Variants in EYS observed in about 807,000 individuals in gnomAD.
The protein encoded by EYS is protein eyes shut homolog.
EYS carries 250 observed loss-of-function variants against 282.1 expected under a neutral mutation model. The observed-to-expected ratio is 0.89, with a 90% CI of 0.80 to 0.98. The LOEUF (loss-of-function observed/expected upper bound fraction) is 0.98, where lower values mean the gene tolerates loss of function less well. Ranked by LOEUF, EYS falls within the 50% of genes least tolerant of loss-of-function variation. EYS has a pLI of 0.00. For synonymous variants in EYS, 1,355 were observed against 1,282.9 expected, an observed-to-expected ratio of 1.06 and a Z score of -1.20; for missense variants, 4,016 against 3,709.0, an observed-to-expected ratio of 1.08 and a Z score of -2.15.
chr6:65,665,481 T>C (rs1477472884), intron 1 of EYS, among the ~76,000 whole-genome samples: 1 of 152,142 alleles, frequency 6.6e-6, no homozygotes, highest in Non-Finnish European at 1.5e-5. Flanking sequence ...TTCTTAAAAA[T>C]GGCACAAGGT....
intron 5 of EYS, among the ~76,000 whole-genome samples, chr6:65,422,439 T>C (rs1329389600): frequency 6.6e-6 from 1 of 151,892 alleles, no homozygotes; most frequent in African/African-American, 2.4e-5. Flanking sequence ...GGATCCACTT[T>C]AATACTGAAA....
chr6:64,166,634 T>C (rs1381074427), intron 31 of EYS, among the ~76,000 whole-genome samples: 1 of 152,210 alleles, frequency 6.6e-6, no homozygotes, highest in Non-Finnish European at 1.5e-5. Flanking sequence ...CCAAATCAGC[T>C]GTGTGCAGGG....
At position 64,590,596 on chromosome 6, in the gene EYS, A is replaced by C. The variant is rs2149831315; in HGVS notation, c.5271T>G (p.Thr1757=). The change falls in exon 26 of 43, where the codon ACT becomes ACG. Residue 1757 remains threonine, a synonymous_variant. Transcript: ENST00000503581. ...GTGTAATTTCTGAATATGTCTTTAA[A>C]GTAACATCCGGATAAATTTGTAAGT... ...ELNLQIYPDV[T]LKTYSEITHA... 6.4e-7 allele frequency: 1 copy of C among 1,551,362 alleles called. No homozygotes were observed. Among genetic ancestry groups the C allele is most frequent in the African/African-American group, 1.4e-5 (1 of 73,144 alleles).
chr6:65,492,790 T>C (rs1233349404), intron 4 of EYS, among the ~76,000 whole-genome samples: 2 of 152,248 alleles, frequency 1.3e-5, no homozygotes, highest in African/African-American at 2.4e-5. Flanking sequence ...TGGCTATTAT[T>C]GGTATTAACT....
intron 35 of EYS, among the ~76,000 whole-genome samples, chr6:63,919,783 A>G (rs910712608): frequency 6.6e-6 from 1 of 152,214 alleles, no homozygotes; most frequent in African/African-American, 2.4e-5. Flanking sequence ...CACTCACCCC[A>G]GGAGCTTTTA....
intron 26 of EYS, among the ~76,000 whole-genome samples, chr6:64,563,770 T>C (rs947514099): frequency 6.6e-6 from 1 of 152,112 alleles, no homozygotes; most frequent in African/African-American, 2.4e-5. Context: ...TCACAAGTAA[T>C]GTCAAATATT....
At chr6:64,092,048 A>C (rs891910158) in intron 31 of EYS, among the ~76,000 whole-genome samples, 1 of 152,182 alleles carries the variant, frequency 6.6e-6, no homozygotes, top group Non-Finnish European at 1.5e-5. Context: ...GATGGTTTCC[A>C]AACTCATCCA....
intron 22 of EYS, among the ~76,000 whole-genome samples, chr6:64,798,365 A>G (rs1042972347): frequency 2.0e-5 from 3 of 151,924 alleles, no homozygotes; most frequent in African/African-American, 4.8e-5. Flanking sequence ...ATCAAAAAAT[A>G]TGTTTAAAAA....
At chr6:64,808,751 C>T (rs1376660923) in intron 22 of EYS, among the ~76,000 whole-genome samples, 1 of 152,022 alleles carries the variant, frequency 6.6e-6, no homozygotes, top group Non-Finnish European at 1.5e-5. Flanking sequence ...TTAGTTACTG[C>T]ATCAGCAAGA....
intron 31 of EYS, among the ~76,000 whole-genome samples, chr6:64,185,565 G>A (rs1278361362): frequency 6.6e-6 from 1 of 152,230 alleles, no homozygotes; most frequent in Non-Finnish European, 1.5e-5. Flanking sequence ...TGCCTACTAT[G>A]AACCTGCTTT....
At chr6:64,259,645 C>G (rs1767516468) in intron 30 of EYS, among the ~76,000 whole-genome samples, 1 of 68,720 alleles carries the variant, frequency 1.5e-5, no homozygotes, top group Non-Finnish European at 3.0e-5. Context: ...TACTTTTACA[C>G]ACGCGCACAC....
chr6:65,064,146 T>C (rs938218403), intron 12 of EYS, among the ~76,000 whole-genome samples: 1 of 144,328 alleles, frequency 6.9e-6, no homozygotes, highest in East Asian at 2.0e-4. Flanking sequence ...TATAAGTATA[T>C]AGTATATATA....
intron 12 of EYS, among the ~76,000 whole-genome samples, chr6:65,091,483 A>ATAAATAAATAAATAAC: frequency 6.6e-6 from 1 of 151,526 alleles, no homozygotes; most frequent in African/African-American, 2.4e-5. Context: ...AAATAAATAA[A>ATAAATAAATAAATAAC]TAACTGCTTA....
intron 14 of EYS, among the ~76,000 whole-genome samples, chr6:64,951,131 C>G (rs1769492519): frequency 6.6e-6 from 1 of 151,720 alleles, no homozygotes; most frequent in Non-Finnish European, 1.5e-5. Context: ...TATAGAGGCA[C>G]TTGTTCCCTT....
At chr6:65,024,496 G>A (rs544859312) in intron 13 of EYS, among the ~76,000 whole-genome samples, 2 of 152,318 alleles carry the variant, frequency 1.3e-5, no homozygotes, top group South Asian at 4.1e-4. Context: ...ACAGGGCTGA[G>A]TGTTCTTCAG....
At chr6:64,753,470 A>G (rs115661103) in intron 22 of EYS, among the ~76,000 whole-genome samples, 2 of 151,720 alleles carry the variant, frequency 1.3e-5, no homozygotes, top group African/African-American at 2.4e-5. Flanking sequence ...TTATACTTAC[A>G]TCAGATAGAA....
chr6:65,602,625 C>T (rs965592774), intron 2 of EYS, among the ~76,000 whole-genome samples: 6 of 151,862 alleles, frequency 4.0e-5, no homozygotes, highest in Admixed American at 3.9e-4. Context: ...TACTTGTGCT[C>T]ATGTTTTGTA....
intron 5 of EYS, among the ~76,000 whole-genome samples, chr6:65,450,371 T>G (rs1462339790): frequency 2.6e-5 from 4 of 152,178 alleles, no homozygotes; most frequent in Non-Finnish European, 5.9e-5. Context: ...TATATAATTA[T>G]TTTTAAAAGT....
chr6:65,398,170 T>A (rs1024839214), intron 7 of EYS, among the ~76,000 whole-genome samples: 2 of 152,086 alleles, frequency 1.3e-5, no homozygotes, highest in Non-Finnish European at 2.9e-5. Flanking sequence ...TTTTGATGTA[T>A]GTTTTCCTTG....
Sources: allele counts gnomAD v4.1 joint callset (sites outside exome capture counted in the v4.1 genomes callset), GRCh38; gene constraint gnomAD v4.1.1; transcripts MANE v1.5; gene names NCBI Gene and HGNC (gene_info 2026-07-23, HGNC 2026-07-21).